The following REC114 variants were observed in gnomAD, a reference collection of about 807,000 sequenced individuals.
The protein encoded by REC114 is meiotic recombination protein REC114.
REC114 carries 27 observed loss-of-function variants against 31.3 expected under a neutral mutation model. That is an observed-to-expected ratio of 0.86 (90% CI 0.64 to 1.19). REC114 has a LOEUF of 1.19. Ranked by LOEUF, REC114 falls within the 50% of genes most tolerant of loss-of-function variation. The probability of loss-of-function intolerance (pLI) is 0.00; values close to 1 mark genes in which losing one functional copy is unlikely to be tolerated. For missense variants in REC114, 344 were observed against 326.9 expected (o/e 1.05, Z -0.40); for synonymous variants, 134 against 127.7 (o/e 1.05, Z -0.33).
intron 2 of REC114, among the ~76,000 whole-genome samples, chr15:73,511,379 C>T (rs1013826117): frequency 2.5e-4 from 38 of 151,700 alleles, no homozygotes; most frequent in Non-Finnish European, 2.9e-4. Flanking sequence ...TTTTGTTGAT[C>T]CTTTCAAAAA....
chr15:73,474,395 T>C (rs1893180418), intron 2 of REC114, among the ~76,000 whole-genome samples: 1 of 152,186 alleles, frequency 6.6e-6, no homozygotes, highest in African/African-American at 2.4e-5. Context: ...TAGGAAATTT[T>C]GGAATGAAGA....
chr15:73,485,727 C>A (rs1893356383), intron 2 of REC114, among the ~76,000 whole-genome samples: 1 of 152,128 alleles, frequency 6.6e-6, no homozygotes, highest in Admixed American at 6.6e-5. Context: ...TCCTGTACAG[C>A]CTGCAGAACT....
At chr15:73,507,551 A>C (rs2141312331) in intron 2 of REC114, among the ~76,000 whole-genome samples, 1 of 152,284 alleles carries the variant, frequency 6.6e-6, no homozygotes, top group East Asian at 1.9e-4. Flanking sequence ...TGGAGGACAG[A>C]AATGAGAAGA....
intron 2 of REC114, among the ~76,000 whole-genome samples, chr15:73,537,747 A>G (rs909732356): frequency 6.6e-6 from 1 of 152,240 alleles, no homozygotes; most frequent in Non-Finnish European, 1.5e-5. Flanking sequence ...ATACATGCAT[A>G]AGAAGCTTAC....
intron 1 of REC114, among the ~76,000 whole-genome samples, chr15:73,468,419 A>G (rs1893090281): frequency 6.6e-6 from 1 of 152,126 alleles, no homozygotes; most frequent in South Asian, 2.1e-4. Flanking sequence ...GTTTTTATTT[A>G]TTGATCTTCT....
At chr15:73,462,569 G>A (rs1488466361) in intron 1 of REC114, among the ~76,000 whole-genome samples, 1 of 151,976 alleles carries the variant, frequency 6.6e-6, no homozygotes, top group African/African-American at 2.4e-5. Flanking sequence ...AGTGATACAC[G>A]TATGCATCAT....
In REC114 at chr15:73,550,788, T is replaced by G. The variant is rs1894376027; in HGVS notation, c.334-150T>G. 8 of 698,490 alleles carry G rather than the reference T, an allele frequency of 1.1e-5. No homozygotes were observed. In the East Asian group the frequency reaches 2.2e-4, roughly 19 times the overall value. 43.3% of individuals were successfully genotyped at this position (698,490 alleles called of 1,614,324 possible). On this transcript the variant is annotated intron_variant, in intron 3 of 5. Coordinates refer to ENST00000331090, the MANE Select transcript of REC114 (RefSeq NM_001042367.2). ...AGGGGGAAGAAAATGAATTATTGGC[T>G]TTTCTATGCCTGCATCAATAAGTGA...
intron 2 of REC114, among the ~76,000 whole-genome samples, chr15:73,520,728 T>G (rs1350061353): frequency 1.3e-5 from 2 of 152,246 alleles, no homozygotes; most frequent in Non-Finnish European, 2.9e-5. Flanking sequence ...TTTTTCCTGG[T>G]TCTCTTTTAA....
At chr15:73,556,224 T>C in intron 4 of REC114, 78 bp from the exon 5 acceptor site, 2 of 1,236,372 alleles carry the variant, frequency 1.6e-6, no homozygotes, top group Admixed American at 2.1e-5. Flanking sequence ...CATGAATGCA[T>C]ATTTCTGCTC....
chr15:73,443,368 C>T (rs950069609), intron 1 of REC114, 24 bp downstream of exon 1: 3 of 1,548,270 alleles, frequency 1.9e-6, no homozygotes, highest in African/African-American at 2.7e-5. Context: ...GCAGGAATAT[C>T]CCTGAGGTGC....
chr15:73,481,691 CT>C lies in REC114; in HGVS notation c.249+7771del, dbSNP rs1462054329. Among the ~76,000 whole-genome samples, 36 of 128,080 alleles carry C rather than the reference CT, an allele frequency of 2.8e-4. 1 individual carries two copies. Among genetic ancestry groups the C allele is most frequent in the Admixed American group, 2.0e-3 (24 of 11,826 alleles). The allele number at this position is 128,080 out of a possible 152,430, so 84.0% of individuals were successfully genotyped here. A position where few individuals can be genotyped will look rare whatever the true frequency, so the allele number is the denominator to read the frequency against. On this transcript the variant is annotated intron_variant, in intron 2 of 5. Coordinates refer to ENST00000331090, the MANE Select transcript of REC114 (RefSeq NM_001042367.2). ...TTTTTTTTTTTGAGGCGGAGTCTCA[CT>C]CTGTCGCCTAGGCTGGAGTGCAGTG...
chr15:73,461,927 T>C (rs184744473), intron 1 of REC114, among the ~76,000 whole-genome samples: 2,847 of 110,084 alleles, frequency 0.026, 83 homozygotes, highest in African/African-American at 0.097. Flanking sequence ...CTTTTCTTTT[T>C]TTTTTTTTTT....
At chr15:73,550,213 G>A (rs1566949894) in intron 3 of REC114, among the ~76,000 whole-genome samples, 1 of 152,162 alleles carries the variant, frequency 6.6e-6, no homozygotes, top group Non-Finnish European at 1.5e-5. Context: ...TTATGTTATT[G>A]TTATAATCTA....
At chr15:73,545,759 C>CT (rs975454660) in intron 3 of REC114, among the ~76,000 whole-genome samples, 9 of 152,234 alleles carry the variant, frequency 5.9e-5, no homozygotes, top group Admixed American at 2.0e-4. Flanking sequence ...TTTTGCCCTG[C>CT]TTGTATGCTT....
At chr15:73,472,506 A>G (rs1383640689) in intron 1 of REC114, among the ~76,000 whole-genome samples, 1 of 152,258 alleles carries the variant, frequency 6.6e-6, no homozygotes, top group Admixed American at 6.5e-5. Context: ...GAGCATTGTT[A>G]GTAGAATGCA....
chr15:73,523,203 A>C (rs865881307), intron 2 of REC114, among the ~76,000 whole-genome samples: 55 of 152,212 alleles, frequency 3.6e-4, no homozygotes, highest in African/African-American at 1.3e-3. Flanking sequence ...CAGCCGAATT[A>C]AATTTAAAGG....
intron 4 of REC114, 148 bp from the exon 5 acceptor site, chr15:73,556,154 A>G (rs1378075608): frequency 3.1e-6 from 2 of 644,224 alleles, no homozygotes; most frequent in Non-Finnish European, 2.6e-6. Context: ...CGTTTAAACC[A>G]GGACAGACCT....
chr15:73,539,280 T>C (rs999630542), intron 2 of REC114, among the ~76,000 whole-genome samples: 7 of 134,276 alleles, frequency 5.2e-5, no homozygotes, highest in African/African-American at 1.7e-4. Flanking sequence ...ATTTCAGAAC[T>C]GATTTTTTTT....
At chr15:73,527,888 G>A (rs998073617) in intron 2 of REC114, among the ~76,000 whole-genome samples, 5 of 151,792 alleles carry the variant, frequency 3.3e-5, no homozygotes, top group East Asian at 1.9e-4. Flanking sequence ...TATACGGGGG[G>A]GAAAAAAAGG....
Sources: allele counts gnomAD v4.1 joint callset (sites outside exome capture counted in the v4.1 genomes callset), GRCh38; gene constraint gnomAD v4.1.1; transcripts MANE v1.5; gene names NCBI Gene and HGNC (gene_info 2026-07-23, HGNC 2026-07-21).